RHOQ: variants seen among roughly 807,000 people sequenced by gnomAD.
RHOQ encodes the protein ras homolog family member Q.
Under a neutral mutation model 25.8 loss-of-function variants are expected in RHOQ, and 7 were observed. The observed-to-expected ratio is 0.27, with a 90% CI of 0.15 to 0.51. The LOEUF is 0.51. Among genes scored for constraint, RHOQ ranks in the 20% least tolerant of loss-of-function variants. The pLI is 0.97. For missense variants in RHOQ, 165 were observed against 260.6 expected, an observed-to-expected ratio of 0.63 and a Z score of 2.53; for synonymous variants, 97 against 98.6, an observed-to-expected ratio of 0.98 and a Z score of 0.10.
chr2:46,543,289 C>G lies in RHOQ; in HGVS notation c.142+101C>G, dbSNP rs571231152. 3.7e-6 allele frequency: 5 copies of G among 1,349,078 alleles called. No individual in the cohort carries two copies. The East Asian group carries it at 1.2e-4, about 32-fold the overall frequency. 83.6% of individuals were successfully genotyped at this position (1,349,078 alleles called of 1,614,324 possible). A position where few individuals can be genotyped will look rare whatever the true frequency, so the allele number is the denominator to read the frequency against. On this transcript the variant is annotated intron_variant, in intron 1 of 4. Transcript: ENST00000238738. ...CGCCGCCTCCCCAGAGCGCACTCCTCTCCCCTCCCCCGCCGCGCCCTCTGC... is the reference window on the plus strand; with the variant it reads ...CGCCGCCTCCCCAGAGCGCACTCCTGTCCCCTCCCCCGCCGCGCCCTCTGC...
At chr2:46,578,437 TTAA>T (rs969770880) in intron 4 of RHOQ, among the ~76,000 whole-genome samples, 1 of 150,362 alleles carries the variant, frequency 6.7e-6, no homozygotes, top group Non-Finnish European at 1.5e-5. Flanking sequence ...GTAACTACAG[TTAA>T]TAATGGTGGT....
At chr2:46,562,263 C>T (rs920187303) in intron 2 of RHOQ, among the ~76,000 whole-genome samples, 1 of 152,136 alleles carries the variant, frequency 6.6e-6, no homozygotes, top group Non-Finnish European at 1.5e-5. Context: ...AGAGCCTGGG[C>T]TCAGCTGCTG....
intron 2 of RHOQ, among the ~76,000 whole-genome samples, chr2:46,547,084 T>G (rs1198416268): frequency 6.6e-6 from 1 of 152,226 alleles, no homozygotes; most frequent in East Asian, 1.9e-4. Context: ...ATGCAGAATT[T>G]GACAGACAAG....
rs768276834 is a variant in RHOQ at position 46,543,143 on chromosome 2, G to C, written c.97G>C (p.Ala33Pro). 2.5e-6 allele frequency: 4 copies of C among 1,611,986 alleles called. No individual in the cohort carries two copies. The African/African-American group carries it at 5.4e-5, about 22-fold the overall frequency. Residue 33 changes from alanine (A) to proline (P), a missense_variant, in exon 1 of 5, where the codon GCC becomes CCC. Ala to Pro is a conservative substitution (Grantham distance 27, BLOSUM62 -1). Transcript: ENST00000238738. ...CCTACTCATGAGCTATGCCAACGAC[G>C]CCTTCCCGGAGGAGTACGTGCCCAC... ...TCLLMSYAND[A>P]FPEEYVPTVF...
intron 2 of RHOQ, among the ~76,000 whole-genome samples, chr2:46,567,889 C>A (rs1195280481): frequency 2.6e-5 from 4 of 151,184 alleles, no homozygotes; most frequent in Non-Finnish European, 5.9e-5. Flanking sequence ...AGACCCCTGT[C>A]TCTACAAAAA....
In RHOQ at chr2:46,556,531, C is replaced by T. The variant is rs1668416344; in HGVS notation, c.201+12719C>T. 6.6e-6 allele frequency among the ~76,000 whole-genome samples: 1 copy of T among 150,844 alleles called. No individual in the cohort carries two copies. Among genetic ancestry groups the T allele is most frequent in the South Asian group, 2.1e-4 (1 of 4,770 alleles). On this transcript the variant is annotated intron_variant, in intron 2 of 4. Transcript: ENST00000238738. This position sits in a 1 kb window ranked among gnomAD's most constrained non-coding sequence, Gnocchi z 4.9. ...TTTTAATGCTTGGGTCTGGACCTTC[C>T]AGTGTTCTTGTTTTCTCTGTGCCTC...
intron 2 of RHOQ, among the ~76,000 whole-genome samples, chr2:46,565,464 G>T (rs73926509): frequency 6.6e-6 from 1 of 152,256 alleles, no homozygotes. Flanking sequence ...GCATCACTCA[G>T]TCTGAGGCTC....
chr2:46,579,823 C>G (rs1042720799), intron 4 of RHOQ, among the ~76,000 whole-genome samples: 1 of 145,162 alleles, frequency 6.9e-6, no homozygotes, highest in Admixed American at 7.0e-5. Flanking sequence ...CCAGCCTGGG[C>G]AACAAGAGTG....
At chr2:46,572,258 A>ATGCC (rs940597802) in intron 2 of RHOQ, among the ~76,000 whole-genome samples, 1 of 151,518 alleles carries the variant, frequency 6.6e-6, no homozygotes, top group Non-Finnish European at 1.5e-5. Flanking sequence ...ATGTGCCACC[A>ATGCC]TGCCCAGCTA....
Position 46,566,261 on chromosome 2 carries a change from G to A in RHOQ, c.202-9826G>A, listed in dbSNP as rs1000787499. 1.3e-5 allele frequency among the ~76,000 whole-genome samples: 2 copies of A among 152,118 alleles called. No individual in the cohort carries two copies. Among genetic ancestry groups the A allele is most frequent in the Non-Finnish European group, 2.9e-5 (2 of 68,022 alleles). On this transcript the variant is annotated intron_variant, in intron 2 of 4. Transcript: ENST00000238738. This position sits in a 1 kb window ranked among gnomAD's most constrained non-coding sequence, Gnocchi z 4.2. Reference sequence around the variant, plus strand: ...GAGATGCTTCTGGTTCAGCTAAAAGGAGGTACATAGTAATAAGCTAGTTCT... The same window carrying A: ...GAGATGCTTCTGGTTCAGCTAAAAGAAGGTACATAGTAATAAGCTAGTTCT...
rs1668381321 is a variant in RHOQ at position 46,555,348 on chromosome 2, T to C, written c.201+11536T>C. 6.6e-6 allele frequency among the ~76,000 whole-genome samples: 1 copy of C among 152,260 alleles called. No homozygotes were observed. The highest frequency in any genetic ancestry group is 2.4e-5 in the African/African-American group (1 of 41,478). ...TGTAAACTCTTCCCCTTGCCGTCCC[T>C]GCAGGACTGCACGTAGCACATAGCA... On this transcript the variant is annotated intron_variant, in intron 2 of 4. Transcript: ENST00000238738. This position sits in a 1 kb window ranked among gnomAD's most constrained non-coding sequence, Gnocchi z 4.3.
chr2:46,570,479 C>T (rs1668877899), intron 2 of RHOQ, among the ~76,000 whole-genome samples: 1 of 152,008 alleles, frequency 6.6e-6, no homozygotes, highest in Non-Finnish European at 1.5e-5. Flanking sequence ...GTTTCATAGG[C>T]TACTCTGACC....
intron 4 of RHOQ, chr2:46,580,270 C>T (rs561332607): frequency 6.6e-6 from 1 of 152,554 alleles, no homozygotes; most frequent in East Asian, 1.9e-4. Flanking sequence ...AAAGTTCTAC[C>T]TGAGAACCTT....
intron 2 of RHOQ, among the ~76,000 whole-genome samples, chr2:46,570,376 G>T (rs1668872932): frequency 6.6e-6 from 1 of 152,046 alleles, no homozygotes. Context: ...GGAGGCAGAG[G>T]TGGCAGTGAG....
In RHOQ at chr2:46,569,451, T is replaced by C. The variant is rs985541494; in HGVS notation, c.202-6636T>C. ...GGTCTTCTAGTTCAGGGCCCTGCTTTTAGAGATGAGGAAGTGCCAGTTCGT... is the reference window on the plus strand; with the variant it reads ...GGTCTTCTAGTTCAGGGCCCTGCTTCTAGAGATGAGGAAGTGCCAGTTCGT... On this transcript the variant is annotated intron_variant, in intron 2 of 4. Transcript: ENST00000238738. This position sits in a 1 kb window ranked among gnomAD's most constrained non-coding sequence, Gnocchi z 4.1. 1 of 152,190 alleles carries C rather than the reference T, an allele frequency of 6.6e-6. No individual in the cohort carries two copies. The highest frequency in any genetic ancestry group is 6.5e-5 in the Admixed American group (1 of 15,270). The allele number at this position is 152,190 out of a possible 1,614,324, so 9.4% of individuals were successfully genotyped here.
chr2:46,562,292 AAG>A (rs1347707847), intron 2 of RHOQ, among the ~76,000 whole-genome samples: 2 of 151,954 alleles, frequency 1.3e-5, no homozygotes, highest in African/African-American at 4.8e-5. Context: ...GCCCTGGAGA[AAG>A]AGAGGAATGA....
chr2:46,574,686 A>T (rs1669049291), intron 2 of RHOQ, among the ~76,000 whole-genome samples: 1 of 152,230 alleles, frequency 6.6e-6, no homozygotes, highest in African/African-American at 2.4e-5. Flanking sequence ...GCTCTAGATT[A>T]TAGGTGTGCC....
chr2:46,543,833 C>T, intron 2 of RHOQ, 21 bp downstream of exon 2: 2 of 1,606,152 alleles, frequency 1.2e-6, no homozygotes, highest in South Asian at 1.1e-5. Context: ...TGGCCTCTGG[C>T]CGACGCCCCC....
At position 46,555,035 on chromosome 2, in the gene RHOQ, G is replaced by A. The variant is rs1004459387; in HGVS notation, c.201+11223G>A. Among the ~76,000 whole-genome samples the A allele has an allele frequency of 6.6e-6, 1 of 152,208 alleles. No homozygotes were observed. The highest frequency in any genetic ancestry group is 1.5e-5 in the Non-Finnish European group (1 of 68,038). On this transcript the variant is annotated intron_variant, in intron 2 of 4. Coordinates refer to ENST00000238738, the MANE Select transcript of RHOQ (RefSeq NM_012249.4). This position sits in a 1 kb window ranked among gnomAD's most constrained non-coding sequence, Gnocchi z 4.3. ...TGTTTCCACCAGCCTCCTTGGCCCT[G>A]GAGGAATGGGGAAGGGACTGGACAC... is the stretch of plus-strand genomic sequence containing the variant.
Sources: gnomAD v4.1 joint callset for allele counts (sites outside exome capture counted in the v4.1 genomes callset) on GRCh38, gnomAD v4.1.1 for gene constraint, Gnocchi (gnomAD v3.1) non-coding constraint, MANE v1.5 for transcripts, NCBI Gene and HGNC (gene_info 2026-07-23, HGNC 2026-07-21) for gene names.